Variants in CNTN6 observed in about 807,000 individuals in gnomAD.
The protein encoded by CNTN6 is contactin 6.
Under a neutral mutation model 122.8 loss-of-function variants are expected in CNTN6, and 137 were observed. That is an observed-to-expected ratio of 1.12 (90% CI 0.97 to 1.29). The LOEUF (loss-of-function observed/expected upper bound fraction) is 1.29, where lower values mean the gene tolerates loss of function less well. Ranked by LOEUF, CNTN6 falls within the 50% of genes most tolerant of loss-of-function variation. CNTN6 has a pLI of 0.00. For synonymous variants in CNTN6, 570 were observed against 426.0 expected (o/e 1.34, Z -4.16); for missense variants, 1,634 against 1,223.4 (o/e 1.34, Z -5.01).
chr3:1,220,172 A>T (rs2094188365), intron 2 of CNTN6, among the ~76,000 whole-genome samples: 1 of 151,806 alleles, frequency 6.6e-6, no homozygotes. Context: ...CTTGAGCAAC[A>T]GAAGGTGACT....
intron 12 of CNTN6, among the ~76,000 whole-genome samples, chr3:1,354,764 C>G (rs751331676): frequency 2.6e-5 from 4 of 151,418 alleles, no homozygotes; most frequent in Admixed American, 1.3e-4. Flanking sequence ...TAAAATCGGA[C>G]AGTTTTCAAT....
chr3:1,273,710 T>C (rs979749312), intron 4 of CNTN6, among the ~76,000 whole-genome samples: 1 of 152,240 alleles, frequency 6.6e-6, no homozygotes, highest in Non-Finnish European at 1.5e-5. Flanking sequence ...ACTGTTTTGA[T>C]AGCTAACAGG....
intron 4 of CNTN6, among the ~76,000 whole-genome samples, chr3:1,266,999 T>G (rs1049246682): frequency 7.5e-6 from 1 of 133,106 alleles, no homozygotes; most frequent in African/African-American, 2.9e-5. Flanking sequence ...CTCTGTAACC[T>G]GCGACCCCCA....
At chr3:1,218,796 C>T (rs150498444) in intron 2 of CNTN6, among the ~76,000 whole-genome samples, 85 of 152,232 alleles carry the variant, frequency 5.6e-4, no homozygotes, top group African/African-American at 1.5e-3. Context: ...AAAATGAGTA[C>T]GGTGAGCATC....
chr3:1,213,825 A>AAAG (rs149331400), intron 2 of CNTN6, among the ~76,000 whole-genome samples: 11 of 151,292 alleles, frequency 7.3e-5, no homozygotes, highest in South Asian at 2.1e-4. Context: ...TTGAGACAAA[A>AAAG]AAATTTTTTA....
intron 6 of CNTN6, among the ~76,000 whole-genome samples, chr3:1,296,213 C>CT (rs1433658001): frequency 6.6e-6 from 1 of 151,966 alleles, no homozygotes; most frequent in African/African-American, 2.4e-5. Flanking sequence ...CATATTTGCC[C>CT]TTTTTTTGTT....
chr3:1,254,376 C>T (rs183683365), intron 4 of CNTN6, among the ~76,000 whole-genome samples: 1 of 152,058 alleles, frequency 6.6e-6, no homozygotes, highest in African/African-American at 2.4e-5. Context: ...TACGTGTTTA[C>T]TTATTTTAAA....
At chr3:1,400,963 T>G (rs1055796441) in intron 20 of CNTN6, among the ~76,000 whole-genome samples, 1 of 152,120 alleles carries the variant, frequency 6.6e-6, no homozygotes, top group African/African-American at 2.4e-5. Context: ...GCTTAAAATA[T>G]CTTGAGTTAG....
intron 4 of CNTN6, among the ~76,000 whole-genome samples, chr3:1,228,650 T>C (rs559639830): frequency 6.2e-4 from 94 of 152,332 alleles, no homozygotes; most frequent in Non-Finnish European, 1.1e-3. Context: ...AGAGTAATTA[T>C]ATCTGTTGAT....
chr3:1,132,107 T>C (rs2092351587), intron 1 of CNTN6, among the ~76,000 whole-genome samples: 1 of 152,116 alleles, frequency 6.6e-6, no homozygotes, highest in Non-Finnish European at 1.5e-5. Context: ...GAAAAACTAG[T>C]ATGTTCTGGG....
At chr3:1,381,541 C>T (rs1418571259) in intron 17 of CNTN6, among the ~76,000 whole-genome samples, 2 of 152,100 alleles carry the variant, frequency 1.3e-5, no homozygotes, top group African/African-American at 4.8e-5. Flanking sequence ...CATGGTTCAT[C>T]ACTGCTCTGG....
chr3:1,097,956 G>A (rs1297840462), intron 1 of CNTN6, among the ~76,000 whole-genome samples: 1 of 151,918 alleles, frequency 6.6e-6, no homozygotes. Flanking sequence ...ATCATAAGTG[G>A]ATATTAAAAT....
chr3:1,266,949 C>CTTTTTT (rs1036704755), intron 4 of CNTN6, among the ~76,000 whole-genome samples: 3 of 90,388 alleles, frequency 3.3e-5, no homozygotes, highest in South Asian at 4.2e-4. Context: ...CAGCCTGGCC[C>CTTTTTT]TTTTTTTTTT....
intron 1 of CNTN6, among the ~76,000 whole-genome samples, chr3:1,135,721 G>C (rs1353145634): frequency 3.9e-5 from 6 of 152,318 alleles, no homozygotes; most frequent in Non-Finnish European, 2.9e-5. Flanking sequence ...GCCAGGTGCA[G>C]TGGCTCACGC....
At chr3:1,116,165 G>C (rs2091710298) in intron 1 of CNTN6, among the ~76,000 whole-genome samples, 1 of 152,146 alleles carries the variant, frequency 6.6e-6, no homozygotes, top group Non-Finnish European at 1.5e-5. Context: ...AAGACAAGGA[G>C]TGTAAAACAG....
chr3:1,333,483 A>G (rs371174342), intron 11 of CNTN6, among the ~76,000 whole-genome samples: 7 of 152,228 alleles, frequency 4.6e-5, no homozygotes, highest in African/African-American at 1.7e-4. Flanking sequence ...AGAATAAAAA[A>G]GTCAGATATA....
chr3:1,190,560 T>A (rs561737740), intron 2 of CNTN6, among the ~76,000 whole-genome samples: 8 of 152,266 alleles, frequency 5.3e-5, no homozygotes, highest in Non-Finnish European at 1.0e-4. Context: ...ATGCAGTGAC[T>A]GTTTATAAAA....
rs1311222945 is a variant in CNTN6 at position 1,295,618 on chromosome 3, ACCTTCAATGATAACC to A, written c.477_491del (p.Phe159_Pro163del). The A allele has an allele frequency of 6.2e-7, 1 of 1,613,558 alleles. No individual in the cohort carries two copies. Among genetic ancestry groups the A allele is most frequent in the Non-Finnish European group, 8.5e-7 (1 of 1,179,694 alleles). ...TTTTTCAGATTTATCTTATGCATGG[ACCTTCAATGATAACC>A]CCTTATACGTCCAAGAGGACAATAG... On this transcript the variant is annotated inframe_deletion, in exon 6 of 23. Transcript: ENST00000446702.
At chr3:1,354,068 T>C (rs1706129926) in intron 12 of CNTN6, among the ~76,000 whole-genome samples, 1 of 151,496 alleles carries the variant, frequency 6.6e-6, no homozygotes, top group African/African-American at 2.4e-5. Context: ...CAGTGTTTCT[T>C]AAACTTTGAC....
Sources: gnomAD v4.1 joint callset for allele counts (sites outside exome capture counted in the v4.1 genomes callset) on GRCh38, gnomAD v4.1.1 for gene constraint, MANE v1.5 for transcripts, NCBI Gene and HGNC (gene_info 2026-07-23, HGNC 2026-07-21) for gene names.